PTPRN2: variants seen among roughly 807,000 people sequenced by gnomAD.
PTPRN2 encodes the protein protein tyrosine phosphatase receptor type N2, also known as receptor-type tyrosine-protein phosphatase N2.
Under a neutral mutation model 118.8 loss-of-function variants are expected in PTPRN2, and 74 were observed. That is an observed-to-expected ratio of 0.62 (90% CI 0.52 to 0.76). The LOEUF (loss-of-function observed/expected upper bound fraction) is 0.76, where lower values mean the gene tolerates loss of function less well. PTPRN2 is among the 30% of genes least tolerant of loss of function. The pLI, the probability that PTPRN2 is intolerant of heterozygous loss-of-function variation, is 0.00. For missense variants in PTPRN2, 1,481 were observed against 1,394.4 expected, an observed-to-expected ratio of 1.06 and a Z score of -0.99; for synonymous variants, 641 against 608.0, an observed-to-expected ratio of 1.05 and a Z score of -0.80.
chr7:157,604,935 C>T lies in PTPRN2; in HGVS notation c.2345-860G>A, dbSNP rs1462953764. ...GCAGAGCTCACAGAGGAGTGGAAGCCGCAAGAGCCCCTCCTGCACCTCCCA... is the reference window on the plus strand; with the variant it reads ...GCAGAGCTCACAGAGGAGTGGAAGCTGCAAGAGCCCCTCCTGCACCTCCCA... On this transcript the variant is annotated intron_variant, in intron 15 of 22. Coordinates refer to ENST00000389418, the MANE Select transcript of PTPRN2 (RefSeq NM_002847.5). Among the ~76,000 whole-genome samples the T allele has an allele frequency of 2.6e-5, 4 of 152,210 alleles. No homozygotes were observed. In the East Asian group the frequency reaches 7.7e-4, roughly 29 times the overall value.
intron 13 of PTPRN2, among the ~76,000 whole-genome samples, chr7:157,667,734 G>A (rs1034964658): frequency 5.3e-5 from 8 of 152,222 alleles, no homozygotes; most frequent in African/African-American, 1.2e-4. Context: ...AGTGCCTCAC[G>A]ACCTAACACC....
intron 3 of PTPRN2, among the ~76,000 whole-genome samples, chr7:158,217,135 T>G (rs1389274615): frequency 6.6e-6 from 1 of 152,198 alleles, no homozygotes; most frequent in Non-Finnish European, 1.5e-5. Context: ...CTTTTGCCAG[T>G]GGCCCCCACC....
rs183667303 is a variant in PTPRN2, at chr7:158,249,138, T to A, written c.278-43865A>T. On this transcript the variant is annotated intron_variant, in intron 3 of 22. Coordinates refer to ENST00000389418, the MANE Select transcript of PTPRN2 (RefSeq NM_002847.5). ...ATGAACATGCCACACACACCACACG[T>A]GAATCACATATTCATATCACCACAC... Among the ~76,000 whole-genome samples, 390 of 149,292 alleles carry A rather than the reference T, an allele frequency of 2.6e-3. 5 individuals are homozygous for A. Among genetic ancestry groups the A allele is most frequent in the African/African-American group, 9.3e-3 (374 of 40,432 alleles).
rs914805427 is a variant in PTPRN2, at chr7:157,881,671, C to G, written c.1788+17002G>C. Among the ~76,000 whole-genome samples, 1 of 151,770 alleles carries G rather than the reference C, an allele frequency of 6.6e-6. No homozygotes were observed. The highest frequency in any genetic ancestry group is 6.6e-5 in the Admixed American group (1 of 15,244). On this transcript the variant is annotated intron_variant, in intron 12 of 22. Coordinates refer to ENST00000389418, the MANE Select transcript of PTPRN2 (RefSeq NM_002847.5). The surrounding 1 kb of genome is among the most constrained non-coding windows in gnomAD (Gnocchi z 4.7). ...GAGAGGATTTCCTGTTTTCGTGGAACGTTAAGTCCAAGTGCTTGTCAACAG... is the reference window on the plus strand; with the variant it reads ...GAGAGGATTTCCTGTTTTCGTGGAAGGTTAAGTCCAAGTGCTTGTCAACAG...
At chr7:157,980,583 T>C (rs1186184783) in intron 11 of PTPRN2, among the ~76,000 whole-genome samples, 1 of 152,116 alleles carries the variant, frequency 6.6e-6, no homozygotes, top group Non-Finnish European at 1.5e-5. Flanking sequence ...AAACCCCGTC[T>C]CTACTAAAAC....
intron 12 of PTPRN2, among the ~76,000 whole-genome samples, chr7:157,776,332 ATCT>A (rs1803241139): frequency 3.2e-5 from 1 of 30,936 alleles, no homozygotes; most frequent in African/African-American, 1.6e-4. Context: ...CTCCTCCTCC[ATCT>A]CCTCCTCCTC....
At chr7:158,207,512 A>G (rs1052242888) in intron 3 of PTPRN2, among the ~76,000 whole-genome samples, 1 of 152,184 alleles carries the variant, frequency 6.6e-6, no homozygotes, top group African/African-American at 2.4e-5. Flanking sequence ...GTGAACAGGC[A>G]ACCTACAAAA....
chr7:158,471,032 G>C (rs775827202), intron 2 of PTPRN2, among the ~76,000 whole-genome samples: 3 of 152,048 alleles, frequency 2.0e-5, no homozygotes, highest in Non-Finnish European at 2.9e-5. Flanking sequence ...GTGGAGACAG[G>C]GTTTCACCAT....
chr7:158,127,657 G>T (rs749701915), intron 9 of PTPRN2, among the ~76,000 whole-genome samples: 1 of 152,138 alleles, frequency 6.6e-6, no homozygotes, highest in Admixed American at 6.5e-5. Flanking sequence ...TGGTCGTTCC[G>T]CAGAATACAT....
intron 12 of PTPRN2, among the ~76,000 whole-genome samples, chr7:157,790,018 GAA>G (rs1491063277): frequency 5.6e-5 from 1 of 17,960 alleles, no homozygotes; most frequent in Admixed American, 7.0e-4. Flanking sequence ...TGTGTGGTGT[GAA>G]TGTGTGTGTG....
Position 158,110,879 on chromosome 7 carries a change from C to T in PTPRN2, c.1593G>A (p.Glu531=). The change falls in exon 10 of 23, where the codon GAG becomes GAA. Residue 531 remains glutamate (E), a synonymous_variant. Coordinates refer to ENST00000389418, the MANE Select transcript of PTPRN2 (RefSeq NM_002847.5). ...GCACCTGCAGGAGGCGGGCGACGTCCTCCACCAGCCGCCTTCCTTCCTCGG... is the reference window on the plus strand; with the variant it reads ...GCACCTGCAGGAGGCGGGCGACGTCTTCCACCAGCCGCCTTCCTTCCTCGG... ...LRPEEGRRLV[E]DVARLLQVPS... 6.3e-7 allele frequency: 1 copy of T among 1,584,908 alleles called. No homozygotes were observed. The highest frequency in any genetic ancestry group is 1.1e-5 in the South Asian group (1 of 86,968).
intron 21 of PTPRN2, among the ~76,000 whole-genome samples, chr7:157,556,856 TCA>T (rs1798918302): frequency 7.3e-6 from 1 of 137,630 alleles, no homozygotes; most frequent in African/African-American, 2.8e-5. Flanking sequence ...ATGCACACAC[TCA>T]CACAACATAC....
At chr7:158,330,301 TA>T (rs1336024942) in intron 2 of PTPRN2, among the ~76,000 whole-genome samples, 1 of 110,358 alleles carries the variant, frequency 9.1e-6, no homozygotes, top group African/African-American at 3.4e-5. Flanking sequence ...ACTCTCACCA[TA>T]AGAGCTGACA....
chr7:157,690,837 G>T lies in PTPRN2; in HGVS notation c.1789-7900C>A, dbSNP rs1044423295. Among the ~76,000 whole-genome samples, 13 of 147,730 alleles carry T rather than the reference G, an allele frequency of 8.8e-5. No homozygotes were observed. The highest frequency in any genetic ancestry group is 1.8e-4 in the Non-Finnish European group (12 of 66,528). ...GCGCCGGAGCTCTGCGCGGCCGCTC[G>T]GCCCAGCTCCGCGTGCTCCGCCCCG... On this transcript the variant is annotated intron_variant, in intron 12 of 22. Transcript: ENST00000389418. The surrounding 1 kb of genome is among the most constrained non-coding windows in gnomAD (Gnocchi z 7.1).
intron 3 of PTPRN2, among the ~76,000 whole-genome samples, chr7:158,316,112 G>A (rs916929715): frequency 2.0e-5 from 3 of 152,196 alleles, no homozygotes; most frequent in African/African-American, 7.2e-5. Flanking sequence ...CCGCCGGGGG[G>A]CAGGTGGTTC....
Position 157,795,593 on chromosome 7 carries a change from T to C in PTPRN2, c.1788+103080A>G, listed in dbSNP as rs186221045. Among the ~76,000 whole-genome samples, 725 of 152,372 alleles carry C rather than the reference T, an allele frequency of 4.8e-3. 10 individuals carry two copies. The highest frequency in any genetic ancestry group is 0.017 in the African/African-American group (690 of 41,592). ...CTCTGACATTTGCCCAAACTAACGTTGCTGAGGTTGACCTCATGTTTATTC... is the reference window on the plus strand; with the variant it reads ...CTCTGACATTTGCCCAAACTAACGTCGCTGAGGTTGACCTCATGTTTATTC... On this transcript the variant is annotated intron_variant, in intron 12 of 22. Transcript: ENST00000389418.
At chr7:158,157,143 G>A (rs952295028) in intron 6 of PTPRN2, among the ~76,000 whole-genome samples, 1 of 151,808 alleles carries the variant, frequency 6.6e-6, no homozygotes, top group South Asian at 2.1e-4. Flanking sequence ...GGCTCTGGAA[G>A]GCCTCCCCAT....
At chr7:157,554,720 A>G (rs1257268553) in intron 21 of PTPRN2, among the ~76,000 whole-genome samples, 1 of 152,248 alleles carries the variant, frequency 6.6e-6, no homozygotes, top group Non-Finnish European at 1.5e-5. Context: ...GCGCACACAC[A>G]AAGAAAATCC....
At chr7:157,810,165 C>T (rs1805900009) in intron 12 of PTPRN2, among the ~76,000 whole-genome samples, 4 of 152,250 alleles carry the variant, frequency 2.6e-5, no homozygotes, top group Admixed American at 6.5e-5. Context: ...GAGAACACTG[C>T]AGTTCCACCT....
Sources: allele counts gnomAD v4.1 joint callset (sites outside exome capture counted in the v4.1 genomes callset), GRCh38; gene constraint gnomAD v4.1.1; non-coding constraint Gnocchi (gnomAD v3.1); transcripts MANE v1.5; gene names NCBI Gene and HGNC (gene_info 2026-07-23, HGNC 2026-07-21).